The following FLNB variants were observed in gnomAD, a reference collection of about 807,000 sequenced individuals.
FLNB encodes the protein filamin-B.
A neutral mutation model predicts 250.6 loss-of-function variants in FLNB; 111 were observed. That is an observed-to-expected ratio of 0.44 (90% CI 0.38 to 0.52). The LOEUF (loss-of-function observed/expected upper bound fraction) is 0.52, where lower values mean the gene tolerates loss of function less well. FLNB is among the 20% of genes least tolerant of loss of function. The pLI, the probability that FLNB is intolerant of heterozygous loss-of-function variation, is 0.00. For missense variants in FLNB, 2,869 were observed against 3,447.8 expected (o/e 0.83, Z 4.20); for synonymous variants, 1,302 against 1,372.1 (o/e 0.95, Z 1.13).
chr3:58,095,076 A>G, intron 5 of FLNB, 122 bp downstream of exon 5: 1 of 830,134 alleles, frequency 1.2e-6, no homozygotes, highest in African/African-American at 1.7e-5. Context: ...TTTTTTACCA[A>G]AAGGATACTG....
chr3:58,127,017 G>A (rs1474982481), intron 24 of FLNB, among the ~76,000 whole-genome samples: 1 of 152,112 alleles, frequency 6.6e-6, no homozygotes, highest in East Asian at 1.9e-4. Context: ...CTTGATTCAG[G>A]GGAAAGCTGG....
chr3:58,131,387 T>G (rs1289615277), intron 25 of FLNB, among the ~76,000 whole-genome samples: 1 of 152,156 alleles, frequency 6.6e-6, no homozygotes, highest in Non-Finnish European at 1.5e-5. Context: ...GAGTGTGTCT[T>G]GGGGAATGGG....
intron 1 of FLNB, among the ~76,000 whole-genome samples, chr3:58,067,191 CTT>C (rs11303605): frequency 1.6e-4 from 24 of 148,040 alleles, no homozygotes; most frequent in Middle Eastern, 3.4e-3. Context: ...TTTTAGCAGT[CTT>C]TTTTTTTTTT....
At chr3:58,081,545 C>A in intron 3 of FLNB, 84 bp from the exon 4 acceptor site, 1 of 1,266,086 alleles carries the variant, frequency 7.9e-7, no homozygotes, top group Non-Finnish European at 1.2e-6. Context: ...ATTTGTAGTG[C>A]TTGGTTTAAG....
intron 1 of FLNB, among the ~76,000 whole-genome samples, chr3:58,029,296 C>T (rs577174452): frequency 1.3e-5 from 2 of 152,192 alleles, no homozygotes; most frequent in South Asian, 4.2e-4. Flanking sequence ...CTCAGATTAG[C>T]ATGTTCTATA....
At chr3:58,150,255 G>A in intron 38 of FLNB, 28 bp downstream of exon 38, 5 of 1,613,986 alleles carry the variant, frequency 3.1e-6, no homozygotes, top group Non-Finnish European at 4.2e-6. Context: ...GTAGGGTGGG[G>A]AAGCCTTGGC....
chr3:58,168,746 T>G, intron 44 of FLNB, 88 bp downstream of exon 44: 26 of 969,252 alleles, frequency 2.7e-5, no homozygotes, highest in Non-Finnish European at 4.0e-5. Flanking sequence ...TGGATGGTTT[T>G]AGATGTGTTA....
intron 41 of FLNB, among the ~76,000 whole-genome samples, chr3:58,157,283 G>A (rs976385197): frequency 7.9e-5 from 12 of 152,176 alleles, no homozygotes; most frequent in African/African-American, 2.9e-4. Context: ...CTGGGTAAGA[G>A]TTTCTAAATA....
At chr3:58,025,687 G>T (rs1191331123) in intron 1 of FLNB, among the ~76,000 whole-genome samples, 1 of 152,158 alleles carries the variant, frequency 6.6e-6, no homozygotes, top group Non-Finnish European at 1.5e-5. Context: ...GCACTTCAGG[G>T]GGCTGAGGCG....
At chr3:58,105,339 GC>G in intron 11 of FLNB, 123 bp downstream of exon 11, 1 of 1,176,188 alleles carries the variant, frequency 8.5e-7, no homozygotes, top group Non-Finnish European at 1.3e-6. Flanking sequence ...TGGCCTCCTG[GC>G]CACCCTAAGC....
Position 58,153,596 on chromosome 3 carries a change from C to A in FLNB, c.6589C>A (p.Arg2197=), listed in dbSNP as rs201211965. ...PLGEGGAHKV[R]AGGPGLERGE... is the part of the protein sequence containing the mutation. ...TGGTGAAGGAGGCGCCCACAAGGTGCGGGCAGGAGGCCCTGGCCTGGAGAG... is the reference window on the plus strand; with the variant it reads ...TGGTGAAGGAGGCGCCCACAAGGTGAGGGCAGGAGGCCCTGGCCTGGAGAG... The change falls in exon 39 of 46, where the codon CGG becomes AGG. Residue 2197 remains arginine, a synonymous_variant. Transcript: ENST00000295956. 4 of 1,613,978 alleles carry A rather than the reference C, an allele frequency of 2.5e-6. No homozygotes were observed. The highest frequency in any genetic ancestry group is 3.4e-6 in the Non-Finnish European group (4 of 1,180,024).
Position 58,008,699 on chromosome 3 carries a change from C to T in FLNB, c.135C>T (p.Ser45=). ...TCGGCAACCTGCAGACCGACCTGAG[C>T]GACGGGCTGCGGCTCATCGCGCTGC... ...KRIGNLQTDL[S]DGLRLIALLE... The change falls in exon 1 of 46, where the codon AGC becomes AGT. Residue 45 remains serine (S), a synonymous_variant. Coordinates refer to ENST00000295956, the MANE Select transcript of FLNB (RefSeq NM_001457.4). 6.2e-7 allele frequency: 1 copy of T among 1,614,172 alleles called. No individual in the cohort carries two copies. The highest frequency in any genetic ancestry group is 2.2e-5 in the East Asian group (1 of 44,882).
At chr3:58,103,063 G>T (rs550489847) in intron 9 of FLNB, among the ~76,000 whole-genome samples, 1 of 152,270 alleles carries the variant, frequency 6.6e-6, no homozygotes, top group South Asian at 2.1e-4. Context: ...CCTGTACCAG[G>T]ATTGCTCTTA....
chr3:58,048,545 A>G (rs2097157639), intron 1 of FLNB, among the ~76,000 whole-genome samples: 1 of 152,194 alleles, frequency 6.6e-6, no homozygotes, highest in Non-Finnish European at 1.5e-5. Context: ...CAGGCTCACA[A>G]TCTCAGTTTG....
In FLNB at chr3:58,134,644, T is replaced by C; in HGVS notation, c.4543T>C (p.Tyr1515His). ...CTTCAAGGTCAAGGTCCTTCCCACA[T>C]ATGATGCCAGCAAAGTGACTGCCAG... ...SPFKVKVLPT[Y>H]DASKVTASGP... Residue 1515 changes from tyrosine (Y) to histidine (H), a missense_variant, in exon 27 of 46, where the codon TAT becomes CAT. This residue lies in a region of FLNB where 126 missense variants were observed against 182.0 expected (regional missense o/e 0.69). Coordinates refer to ENST00000295956, the MANE Select transcript of FLNB (RefSeq NM_001457.4). 6.2e-7 allele frequency: 1 copy of C among 1,614,116 alleles called. No individual in the cohort carries two copies. Among genetic ancestry groups the C allele is most frequent in the Non-Finnish European group, 8.5e-7 (1 of 1,180,008 alleles).
intron 1 of FLNB, 49 bp downstream of exon 1, chr3:58,008,905 C>G: frequency 6.2e-7 from 1 of 1,605,640 alleles, no homozygotes; most frequent in African/African-American, 1.3e-5. Flanking sequence ...CCGACCCGCC[C>G]CCGCGCGTGC....
At chr3:58,141,580 A>C (rs2097327110) in intron 29 of FLNB, among the ~76,000 whole-genome samples, 2 of 152,240 alleles carry the variant, frequency 1.3e-5, no homozygotes, top group Non-Finnish European at 2.9e-5. Context: ...AGCACCAGTC[A>C]AGGTCCTTAC....
At chr3:58,160,912 G>T (rs2107312017) in intron 42 of FLNB, among the ~76,000 whole-genome samples, 1 of 152,306 alleles carries the variant, frequency 6.6e-6, no homozygotes, top group South Asian at 2.1e-4. Context: ...ATGTCCAGGA[G>T]GTCGAGACTG....
Position 58,148,703 on chromosome 3 carries a change from A to T in FLNB, c.5942A>T (p.Asn1981Ile). ...VGEHLVSIKK[N>I]GNHVANSPVS... ...GAACATCTGGTCAGCATCAAGAAAA[A>T]TGGCAACCATGTGGCCAACAGCCCC... Residue 1981 changes from asparagine to isoleucine, a missense_variant, in exon 36 of 46, where the codon AAT becomes ATT. By Grantham distance (149) the Asn-to-Ile change is moderately radical. Coordinates refer to ENST00000295956, the MANE Select transcript of FLNB (RefSeq NM_001457.4). 1 of 1,614,030 alleles carries T rather than the reference A, an allele frequency of 6.2e-7. No homozygotes were observed. Among genetic ancestry groups the T allele is most frequent in the Non-Finnish European group, 8.5e-7 (1 of 1,179,994 alleles).
Sources: gnomAD v4.1 joint callset for allele counts (sites outside exome capture counted in the v4.1 genomes callset) on GRCh38, gnomAD v4.1.1 for gene constraint, gnomAD v4.1.1 regional missense constraint, MANE v1.5 for transcripts, NCBI Gene and HGNC (gene_info 2026-07-23, HGNC 2026-07-21) for gene names.